EXTL3: variants seen among roughly 807,000 people sequenced by gnomAD.
EXTL3 encodes exostosin like glycosyltransferase 3.
In EXTL3, 27 loss-of-function variants were observed where a neutral mutation model predicts 69.3. That is an observed-to-expected ratio of 0.39 (90% CI 0.29 to 0.54). The LOEUF (loss-of-function observed/expected upper bound fraction) is 0.54, where lower values mean the gene tolerates loss of function less well. Among genes scored for constraint, EXTL3 ranks in the 20% least tolerant of loss-of-function variants. EXTL3 has a pLI of 0.69. For synonymous variants in EXTL3, 511 were observed against 499.4 expected (o/e 1.02, Z -0.31); for missense variants, 1,003 against 1,231.8 (o/e 0.81, Z 2.78).
intron 1 of EXTL3, among the ~76,000 whole-genome samples, chr8:28,661,815 G>A (rs1443320877): frequency 1.3e-5 from 2 of 151,758 alleles, no homozygotes; most frequent in Non-Finnish European, 2.9e-5. Flanking sequence ...AACCCGGGAG[G>A]CAGAGGTTGC....
At chr8:28,609,730 A>T (rs1217214770) in intron 2 of EXTL3, among the ~76,000 whole-genome samples, 3 of 151,868 alleles carry the variant, frequency 2.0e-5, no homozygotes, top group Non-Finnish European at 2.9e-5. Flanking sequence ...CTCTACAAAA[A>T]TTTTTAAAAA....
At chr8:28,744,487 G>A (rs1801843251) in intron 6 of EXTL3, among the ~76,000 whole-genome samples, 1 of 151,822 alleles carries the variant, frequency 6.6e-6, no homozygotes, top group East Asian at 1.9e-4. Flanking sequence ...GTGAAACCCC[G>A]ACTCTACTAA....
Position 28,623,135 on chromosome 8 carries a change from A to G in EXTL3, c.-53+325A>G, listed in dbSNP as rs1290525673. Reference sequence around the variant, plus strand: ...GAGGCGGGAATTTGTGAGAACTGGGAGAGTGTGGCTGTCGGCAGGGGTCCG... The same window carrying G: ...GAGGCGGGAATTTGTGAGAACTGGGGGAGTGTGGCTGTCGGCAGGGGTCCG... On this transcript the variant is annotated intron_variant, in intron 1 of 6. Transcript: ENST00000523149. The surrounding 1 kb of genome is among the most constrained non-coding windows in gnomAD (Gnocchi z 4.2). 6.6e-6 allele frequency among the ~76,000 whole-genome samples: 1 copy of G among 151,964 alleles called. No individual in the cohort carries two copies. Among genetic ancestry groups the G allele is most frequent in the Non-Finnish European group, 1.5e-5 (1 of 67,968 alleles).
chr8:28,675,104 A>T (rs930318460), intron 1 of EXTL3, among the ~76,000 whole-genome samples: 1 of 152,180 alleles, frequency 6.6e-6, no homozygotes, highest in Non-Finnish European at 1.5e-5. Context: ...TGTGTATGGG[A>T]ATGGATACTA....
At position 28,716,688 on chromosome 8, in the gene EXTL3, T is replaced by C; in HGVS notation, c.629T>C (p.Leu210Pro). The change falls in exon 3 of 7, where the codon CTG becomes CCG. Residue 210 changes from leucine (L) to proline (P), a missense_variant. Leu to Pro is a moderately conservative substitution (Grantham distance 98). Coordinates refer to ENST00000220562, the MANE Select transcript of EXTL3 (RefSeq NM_001440.4). This position sits in a 1 kb window ranked among gnomAD's most constrained non-coding sequence, Gnocchi z 7.1. ...GACCAGTTTGTCTTTGGCAGCTACCTGGATCCCTTGGTCAAGCAGGCTTTT... is the reference window on the plus strand; with the variant it reads ...GACCAGTTTGTCTTTGGCAGCTACCCGGATCCCTTGGTCAAGCAGGCTTTT... The part of the protein sequence containing the change: ...DSDQFVFGSY[L>P]DPLVKQAFQA... The C allele has an allele frequency of 1.2e-6, 2 of 1,614,236 alleles. No individual in the cohort carries two copies. Among genetic ancestry groups the C allele is most frequent in the Non-Finnish European group, 1.7e-6 (2 of 1,180,046 alleles).
chr8:28,708,147 A>T (rs2130716999), intron 1 of EXTL3, among the ~76,000 whole-genome samples: 1 of 152,308 alleles, frequency 6.6e-6, no homozygotes, highest in South Asian at 2.1e-4. Context: ...GCCCTGTAAT[A>T]AGGGCGGCTC....
At chr8:28,703,733 G>C (rs180970544) in intron 1 of EXTL3, among the ~76,000 whole-genome samples, 5 of 152,290 alleles carry the variant, frequency 3.3e-5, no homozygotes, top group Admixed American at 2.0e-4. Context: ...TTACTCTAGA[G>C]TGAGGCGAGG....
Position 28,750,942 on chromosome 8 carries a change from C to A in EXTL3, c.*76C>A. On this transcript the variant is annotated 3_prime_UTR_variant, in exon 7 of 7. Coordinates refer to ENST00000220562, the MANE Select transcript of EXTL3 (RefSeq NM_001440.4). The surrounding 1 kb of genome is among the most constrained non-coding windows in gnomAD (Gnocchi z 5.2). Reference sequence around the variant, plus strand: ...CCCAAGGTTCCTAGGCATTGCAGGACCTTGGGCACATCTGCTGGTGGGTGG... The same window carrying A: ...CCCAAGGTTCCTAGGCATTGCAGGAACTTGGGCACATCTGCTGGTGGGTGG... The A allele has an allele frequency of 7.5e-7, 1 of 1,332,562 alleles. No homozygotes were observed. The highest frequency in any genetic ancestry group is 1.1e-6 in the Non-Finnish European group (1 of 937,060). The allele number at this position is 1,332,562 out of a possible 1,614,324, so 82.5% of individuals were successfully genotyped here.
intron 1 of EXTL3, among the ~76,000 whole-genome samples, chr8:28,662,406 C>T (rs1029117817): frequency 3.3e-5 from 5 of 152,142 alleles, no homozygotes; most frequent in African/African-American, 9.7e-5. Flanking sequence ...ATGAAGTTGT[C>T]ATCAGTAGTA....
At chr8:28,699,657 C>G (rs192374553), upstream of EXTL3, 1 of 152,412 alleles carries the variant, frequency 6.6e-6, no homozygotes, top group Non-Finnish European at 1.5e-5. Context: ...TATAGGCACG[C>G]GCCACCACGC....
chr8:28,711,881 A>G (rs892002074), intron 1 of EXTL3, among the ~76,000 whole-genome samples: 1 of 152,152 alleles, frequency 6.6e-6, no homozygotes, highest in Non-Finnish European at 1.5e-5. Flanking sequence ...AGTTTGTAGG[A>G]TGAGGAAGTG....
chr8:28,642,383 C>T (rs927429420), intron 1 of EXTL3, among the ~76,000 whole-genome samples: 26 of 149,940 alleles, frequency 1.7e-4, no homozygotes, highest in African/African-American at 6.4e-4. Context: ...GAGGTAAAGG[C>T]TGCAGTGAGC....
At chr8:28,733,390 G>T (rs781133033) in intron 4 of EXTL3, among the ~76,000 whole-genome samples, 3 of 151,722 alleles carry the variant, frequency 2.0e-5, no homozygotes, top group Non-Finnish European at 4.4e-5. Flanking sequence ...GTGTGTGTGT[G>T]TATGTGTGTA....
chr8:28,729,292 C>CAAAAAAAAAAAA (rs72487306), intron 3 of EXTL3, among the ~76,000 whole-genome samples: 1 of 74,068 alleles, frequency 1.4e-5, no homozygotes, highest in Non-Finnish European at 2.5e-5. Flanking sequence ...GACTCTATCT[C>CAAAAAAAAAAAA]AAAAAAAAAA....
downstream of EXTL3, among the ~76,000 whole-genome samples, chr8:28,756,547 T>C (rs761291615): frequency 9.9e-5 from 15 of 152,232 alleles, no homozygotes; most frequent in Non-Finnish European, 2.2e-4. Flanking sequence ...ATGAATAAAG[T>C]TTCCGTGAAC....
chr8:28,701,962 C>T (rs954118275), intron 1 of EXTL3, among the ~76,000 whole-genome samples: 4 of 152,114 alleles, frequency 2.6e-5, no homozygotes, highest in African/African-American at 4.8e-5. Flanking sequence ...TCTCTCGTCC[C>T]AGTTTGGGCT....
At chr8:28,672,143 G>A (rs528092757) in intron 1 of EXTL3, among the ~76,000 whole-genome samples, 82 of 152,088 alleles carry the variant, frequency 5.4e-4, no homozygotes, top group African/African-American at 1.4e-3. Context: ...GGCCAGGAGC[G>A]TTTGGTGCAC....
At chr8:28,654,562 G>A (rs1456601844) in intron 1 of EXTL3, among the ~76,000 whole-genome samples, 2 of 151,892 alleles carry the variant, frequency 1.3e-5, no homozygotes, top group African/African-American at 2.4e-5. Context: ...TGTAAAGATG[G>A]GGTCTTACTA....
chr8:28,731,162 ATTTT>A lies in EXTL3; in HGVS notation c.2149-60_2149-57del, dbSNP rs1187098884. ...ATGGTCTCCTTGGACCTAAATACAG[ATTTT>A]GTTTGGCCTTTCATAACACAGCCTT... On this transcript the variant is annotated intron_variant, in intron 3 of 6. Transcript: ENST00000220562. The A allele has an allele frequency of 6.7e-5, 108 of 1,610,790 alleles. No homozygotes were observed. In the Middle Eastern group the frequency reaches 2.5e-3, roughly 37 times the overall value.
Sources: allele counts gnomAD v4.1 joint callset (sites outside exome capture counted in the v4.1 genomes callset), GRCh38; gene constraint gnomAD v4.1.1; non-coding constraint Gnocchi (gnomAD v3.1); transcripts MANE v1.5; gene names NCBI Gene and HGNC (gene_info 2026-07-23, HGNC 2026-07-21).